The following CNTNAP5 variants were observed in gnomAD, a reference collection of about 807,000 sequenced individuals.
The protein encoded by CNTNAP5 is contactin associated protein family member 5.
CNTNAP5 carries 72 observed loss-of-function variants against 150.2 expected under a neutral mutation model. That is an observed-to-expected ratio of 0.48 (90% CI 0.40 to 0.58). The LOEUF (loss-of-function observed/expected upper bound fraction) is 0.58, where lower values mean the gene tolerates loss of function less well. CNTNAP5 is among the 20% of genes least tolerant of loss of function. The pLI is 0.00. For missense variants in CNTNAP5, 1,636 were observed against 1,626.2 expected (o/e 1.01, Z -0.10); for synonymous variants, 672 against 619.8 (o/e 1.08, Z -1.25).
At chr2:124,661,545 G>A (rs34632103) in intron 13 of CNTNAP5, among the ~76,000 whole-genome samples, 46,136 of 149,112 alleles carry the variant, frequency 0.31, 7,769 homozygotes, top group Non-Finnish European at 0.38. Flanking sequence ...TCCCCCGAAG[G>A]GCCTGCCTGA....
At chr2:124,177,960 C>T (rs963884541) in intron 1 of CNTNAP5, among the ~76,000 whole-genome samples, 1 of 151,704 alleles carries the variant, frequency 6.6e-6, no homozygotes, top group Non-Finnish European at 1.5e-5. Context: ...AATTCTCCTG[C>T]CTCAGTCTCT....
intron 13 of CNTNAP5, among the ~76,000 whole-genome samples, chr2:124,674,135 T>C (rs1330463173): frequency 2.6e-5 from 4 of 152,194 alleles, no homozygotes; most frequent in Non-Finnish European, 5.9e-5. Context: ...AAGCTAAAGG[T>C]TTATCAAATG....
intron 6 of CNTNAP5, among the ~76,000 whole-genome samples, chr2:124,450,922 T>A (rs1415497288): frequency 1.3e-5 from 2 of 149,346 alleles, no homozygotes; most frequent in Non-Finnish European, 3.0e-5. Flanking sequence ...TCCCAGCTAC[T>A]TGGGAGGCTG....
intron 1 of CNTNAP5, among the ~76,000 whole-genome samples, chr2:124,154,703 C>T (rs1449798127): frequency 1.3e-5 from 2 of 152,112 alleles, no homozygotes; most frequent in African/African-American, 4.8e-5. Context: ...GATCAGGCCT[C>T]CAGTGTTTGC....
At chr2:124,869,441 TC>T (rs2104724909) in intron 20 of CNTNAP5, among the ~76,000 whole-genome samples, 1 of 152,268 alleles carries the variant, frequency 6.6e-6, no homozygotes, top group Non-Finnish European at 1.5e-5. Context: ...GTATACAGTT[TC>T]CCAGGGAGAA....
chr2:124,483,598 C>T (rs1296749809), intron 7 of CNTNAP5, among the ~76,000 whole-genome samples: 1 of 152,200 alleles, frequency 6.6e-6, no homozygotes, highest in Non-Finnish European at 1.5e-5. Context: ...TGTCCAGGTG[C>T]ACTCCTTGTC....
intron 1 of CNTNAP5, among the ~76,000 whole-genome samples, chr2:124,068,985 T>C (rs1682233744): frequency 6.6e-6 from 1 of 152,000 alleles, no homozygotes; most frequent in South Asian, 2.1e-4. Flanking sequence ...TGAGACATAC[T>C]CACTTCAAGT....
At chr2:124,709,536 G>C (rs137872753) in intron 13 of CNTNAP5, among the ~76,000 whole-genome samples, 2 of 152,222 alleles carry the variant, frequency 1.3e-5, no homozygotes, top group African/African-American at 4.8e-5. Context: ...AAGTAAAGTT[G>C]GTTCAAAGAA....
chr2:124,217,671 T>C (rs1199732039), intron 1 of CNTNAP5, among the ~76,000 whole-genome samples: 1 of 152,156 alleles, frequency 6.6e-6, no homozygotes, highest in Non-Finnish European at 1.5e-5. Context: ...ATGATACCAA[T>C]TTGTGGGCAA....
chr2:124,204,834 G>A (rs544614731), intron 1 of CNTNAP5, among the ~76,000 whole-genome samples: 14 of 152,058 alleles, frequency 9.2e-5, no homozygotes, highest in African/African-American at 3.4e-4. Context: ...ATCAAGATGA[G>A]CTATGGGGAC....
chr2:124,814,936 T>C (rs1469201043), intron 19 of CNTNAP5, among the ~76,000 whole-genome samples: 1 of 152,188 alleles, frequency 6.6e-6, no homozygotes, highest in East Asian at 1.9e-4. Flanking sequence ...AGCTCCGTAA[T>C]GCTAATACTG....
At chr2:124,252,617 G>A (rs1302844824) in intron 3 of CNTNAP5, among the ~76,000 whole-genome samples, 1 of 152,068 alleles carries the variant, frequency 6.6e-6, no homozygotes, top group African/African-American at 2.4e-5. Flanking sequence ...ATGTGTTTGA[G>A]TTCTCTTCTT....
intron 3 of CNTNAP5, among the ~76,000 whole-genome samples, chr2:124,291,713 T>C (rs139610529): frequency 2.9e-3 from 446 of 152,268 alleles, no homozygotes; most frequent in South Asian, 5.2e-3. Flanking sequence ...CTTCAAATTA[T>C]ATAGGCAGAG....
chr2:124,453,357 A>T (rs1693036462), intron 6 of CNTNAP5, among the ~76,000 whole-genome samples: 1 of 151,766 alleles, frequency 6.6e-6, no homozygotes, highest in Admixed American at 6.6e-5. Flanking sequence ...GAAAATATGA[A>T]CAAAGCATCC....
intron 19 of CNTNAP5, among the ~76,000 whole-genome samples, chr2:124,819,100 G>C (rs1327482290): frequency 1.3e-5 from 2 of 151,972 alleles, no homozygotes; most frequent in African/African-American, 4.8e-5. Flanking sequence ...CTCCAAATCA[G>C]CCCCAACCTT....
intron 3 of CNTNAP5, among the ~76,000 whole-genome samples, chr2:124,246,690 A>G (rs1416195206): frequency 5.3e-5 from 8 of 152,124 alleles, no homozygotes; most frequent in Non-Finnish European, 1.0e-4. Flanking sequence ...TCCATGAATA[A>G]CCACAATGTT....
rs1684761878 is a variant in CNTNAP5 at position 124,164,453 on chromosome 2, C to A, written c.83-57252C>A. Among the ~76,000 whole-genome samples the A allele has an allele frequency of 2.0e-5, 3 of 152,182 alleles. No homozygotes were observed. The South Asian group carries it at 6.2e-4, about 32-fold the overall frequency. ...AGAGAGAAATAAACCCAGCTAAGTG[C>A]AGAGACTCTGTTTTATATGTATATA... On this transcript the variant is annotated intron_variant, in intron 1 of 23. Transcript: ENST00000682447.
chr2:124,873,779 T>A (rs189348464), intron 21 of CNTNAP5, among the ~76,000 whole-genome samples: 20 of 152,228 alleles, frequency 1.3e-4, no homozygotes, highest in African/African-American at 4.8e-4. Flanking sequence ...TTGTAGGACA[T>A]TTCCAACTGT....
chr2:124,299,527 T>A (rs1283488915), intron 3 of CNTNAP5, among the ~76,000 whole-genome samples: 6 of 152,232 alleles, frequency 3.9e-5, no homozygotes, highest in Admixed American at 1.3e-4. Context: ...CTCATTCTTT[T>A]TTATGGCTGC....
Sources: allele counts gnomAD v4.1 joint callset (sites outside exome capture counted in the v4.1 genomes callset), GRCh38; gene constraint gnomAD v4.1.1; transcripts MANE v1.5; gene names NCBI Gene and HGNC (gene_info 2026-07-23, HGNC 2026-07-21).